The following OR6Y1 variants were observed in gnomAD, a reference collection of about 807,000 sequenced individuals.
OR6Y1 encodes olfactory receptor 6Y1.
A neutral mutation model predicts 0.4 loss-of-function variants in OR6Y1; 1 was observed. The observed-to-expected ratio is 2.74, with a 90% CI of 0.97 to 13.02. The LOEUF is 13.02. OR6Y1 is among the 30% of genes most tolerant of loss of function. The probability of loss-of-function intolerance (pLI) is 0.12; values close to 1 mark genes in which losing one functional copy is unlikely to be tolerated. For synonymous variants in OR6Y1, 173 were observed against 141.1 expected, an observed-to-expected ratio of 1.23 and a Z score of -1.60; for missense variants, 480 against 399.8, an observed-to-expected ratio of 1.20 and a Z score of -1.71.
rs1414017484 is a variant in OR6Y1, at chr1:158,545,068, G to A, written c.*2060C>T. ...TATATACCCAGTAATGGGATTGCTG[G>A]GTCAAATGGTATTTCTGTTTTTAAG... On this transcript the variant is annotated 3_prime_UTR_variant, in exon 2 of 2. Coordinates refer to ENST00000641622, the MANE Select transcript of OR6Y1 (RefSeq NM_001005189.2). 1 of 151,886 alleles carries A rather than the reference G, an allele frequency of 6.6e-6. No individual in the cohort carries two copies. The highest frequency in any genetic ancestry group is 1.9e-4 in the East Asian group (1 of 5,158). 9.4% of individuals were successfully genotyped at this position (151,886 alleles called of 1,614,324 possible).
In OR6Y1 at chr1:158,549,432, ATGGTT is replaced by A. The variant is rs112234620; in HGVS notation, c.-1332_-1328del. 2.3e-4 allele frequency: 34 copies of A among 147,630 alleles called. 1 individual carries two copies. Among genetic ancestry groups the A allele is most frequent in the African/African-American group, 7.6e-4 (30 of 39,658 alleles). 9.1% of individuals were successfully genotyped at this position (147,630 alleles called of 1,614,324 possible). A position where few individuals can be genotyped will look rare whatever the true frequency, so the allele number is the denominator to read the frequency against. ...CATAAATATGTAGGACAACTAGGGGATGGTTTTTTTTTTTTTTTAAGGAATGATCA... is the reference window on the plus strand; with the variant it reads ...CATAAATATGTAGGACAACTAGGGGATTTTTTTTTTTTTAAGGAATGATCA... On this transcript the variant is annotated 5_prime_UTR_variant, in exon 2 of 2. An upstream open reading frame in the 5' UTR loses its in-frame stop. Transcript: ENST00000641622.
chr1:158,547,375 G>A lies in OR6Y1; in HGVS notation c.731C>T (p.Ser244Phe). 1 of 1,613,636 alleles carries A rather than the reference G, an allele frequency of 6.2e-7. No homozygotes were observed. Among genetic ancestry groups the A allele is most frequent in the Non-Finnish European group, 8.5e-7 (1 of 1,180,008 alleles). The change falls in exon 2 of 2, where the codon TCC (serine) becomes TTC (phenylalanine). Residue 244 changes from serine (S) to phenylalanine (F), a missense_variant. Transcript: ENST00000641622. ...PSAQGRQKAF[S>F]TCASHLTVVI... is the part of the protein sequence containing the mutation. ...GACGGTCAGGTGGGAGGCACAGGTGGAGAATGCCTTTTGGCGGCCCTGAGC... is the reference window on the plus strand; with the variant it reads ...GACGGTCAGGTGGGAGGCACAGGTGAAGAATGCCTTTTGGCGGCCCTGAGC...
chr1:158,552,240 GTA>G (rs143313955), intron 1 of OR6Y1, among the ~76,000 whole-genome samples: 4,051 of 139,160 alleles, frequency 0.029, 211 homozygotes, highest in African/African-American at 0.1. Flanking sequence ...ATATATATAT[GTA>G]TATATATATA....
In OR6Y1 at chr1:158,547,044, G is replaced by A; in HGVS notation, c.*84C>T. The A allele has an allele frequency of 7.5e-7, 1 of 1,334,314 alleles. No homozygotes were observed. Among genetic ancestry groups the A allele is most frequent in the Non-Finnish European group, 1.0e-6 (1 of 968,168 alleles). 82.7% of individuals were successfully genotyped at this position (1,334,314 alleles called of 1,614,324 possible). ...GAGCAGTGTTACAGTACTGGAGATTGGGGGATAACCAAAGACAAGACTGAG... is the reference window on the plus strand; with the variant it reads ...GAGCAGTGTTACAGTACTGGAGATTAGGGGATAACCAAAGACAAGACTGAG... On this transcript the variant is annotated 3_prime_UTR_variant, in exon 2 of 2. Transcript: ENST00000641622.
chr1:158,547,700 G>A lies in OR6Y1; in HGVS notation c.406C>T (p.Arg136Cys), dbSNP rs764004377. ...TGGTTGGTCATGATGACTGGGTAGC[G>A]TAGTGGATTACAAATGGCTACATAG... ...DRYVAICNPL[R>C]YPVIMTNQLC... Residue 136 changes from arginine to cysteine, a missense_variant, in exon 2 of 2, where the codon CGC becomes TGC. Coordinates refer to ENST00000641622, the MANE Select transcript of OR6Y1 (RefSeq NM_001005189.2). The A allele has an allele frequency of 2.4e-5, 38 of 1,613,392 alleles. No homozygotes were observed. In the Admixed American group the frequency reaches 2.5e-4, roughly 11 times the overall value.
rs201834766 is a variant in OR6Y1, at chr1:158,547,348, A to G, written c.758T>C (p.Val253Ala). The G allele has an allele frequency of 6.2e-7, 1 of 1,613,558 alleles. No homozygotes were observed. Among genetic ancestry groups the G allele is most frequent in the East Asian group, 2.2e-5 (1 of 44,868 alleles). ...FSTCASHLTV[V>A]ILFYSMTLFT... ...AAGTGTCATGGAATAGAAGAGAATT[A>G]CGACGGTCAGGTGGGAGGCACAGGT... Residue 253 changes from valine to alanine, a missense_variant, in exon 2 of 2, where the codon GTA becomes GCA. Val to Ala is a moderately conservative substitution (Grantham distance 64). Transcript: ENST00000641622.
intron 1 of OR6Y1, among the ~76,000 whole-genome samples, chr1:158,551,188 G>A (rs1252799945): frequency 6.6e-6 from 1 of 151,282 alleles, no homozygotes; most frequent in African/African-American, 2.4e-5. Context: ...TCTATGCAAG[G>A]AATGAAAATT....
chr1:158,546,551 TG>T lies in OR6Y1; in HGVS notation c.*576del, dbSNP rs1647538916. ...TTTATGTTATTTGGAGGGAAGTGGG[TG>T]GGGACTCCCTATGTTGACCAGGCTG... On this transcript the variant is annotated 3_prime_UTR_variant, in exon 2 of 2. Coordinates refer to ENST00000641622, the MANE Select transcript of OR6Y1 (RefSeq NM_001005189.2). 6.6e-6 allele frequency: 1 copy of T among 152,126 alleles called. No homozygotes were observed. The highest frequency in any genetic ancestry group is 6.6e-5 in the Admixed American group (1 of 15,264). 9.4% of individuals were successfully genotyped at this position (152,126 alleles called of 1,614,324 possible).
At position 158,547,271 on chromosome 1, in the gene OR6Y1, C is replaced by T. The variant is rs1275113270; in HGVS notation, c.835G>A (p.Val279Ile). 6.2e-7 allele frequency: 1 copy of T among 1,613,550 alleles called. No individual in the cohort carries two copies. Among genetic ancestry groups the T allele is most frequent in the South Asian group, 1.1e-5 (1 of 91,074 alleles). ...ACAATGACAGTGTAGAGAACAGATA[C>T]CACTTTGTTGGAATTGTAGGCATAC... ...LMYAYNSNKV[V>I]SVLYTVIVPL... is the part of the protein sequence containing the mutation. Residue 279 changes from valine (V) to isoleucine (I), a missense_variant, in exon 2 of 2, where the codon GTA becomes ATA. Transcript: ENST00000641622.
rs917097878 is a variant in OR6Y1 at position 158,546,947 on chromosome 1, C to A, written c.*181G>T. 5.3e-5 allele frequency: 29 copies of A among 542,168 alleles called. No individual in the cohort carries two copies. The highest frequency in any genetic ancestry group is 8.4e-5 in the Non-Finnish European group (27 of 319,968). 33.6% of individuals were successfully genotyped at this position (542,168 alleles called of 1,614,324 possible). ...TCTCTCAGCCTGATACCAGAGGTTA[C>A]TTCTTGAGAACATGTTTCTCCAGTC... On this transcript the variant is annotated 3_prime_UTR_variant, in exon 2 of 2. Transcript: ENST00000641622.
chr1:158,547,909 A>G lies in OR6Y1; in HGVS notation c.197T>C (p.Phe66Ser). 4.3e-6 allele frequency: 7 copies of G among 1,613,470 alleles called. No individual in the cohort carries two copies. Among genetic ancestry groups the G allele is most frequent in the African/African-American group, 1.3e-5 (1 of 74,504 alleles). ...CAGGAAGGAGAGGTGGCTCAAGAAG[A>G]AGTACATGGGCTTATGCAGCTGCCC... ...SDGQLHKPMY[F>S]FLSHLSFLEM... Residue 66 changes from phenylalanine (F) to serine (S), a missense_variant, in exon 2 of 2, where the codon TTC (phenylalanine) becomes TCC (serine). By Grantham distance (155) the Phe-to-Ser change is radical (BLOSUM62 -2). Transcript: ENST00000641622.
rs143238001 is a variant in OR6Y1, at chr1:158,550,085, G to A, written c.-1432-548C>T. Among the ~76,000 whole-genome samples the A allele has an allele frequency of 3.2e-3, 482 of 151,722 alleles. 3 individuals carry two copies. Among genetic ancestry groups the A allele is most frequent in the Middle Eastern group, 0.01 (3 of 294 alleles). ...GTGTCTATTTTTTAAAAATATTCTGGAAAACTACAGGCAAGACATTATACC... is the reference window on the plus strand; with the variant it reads ...GTGTCTATTTTTTAAAAATATTCTGAAAAACTACAGGCAAGACATTATACC... On this transcript the variant is annotated intron_variant, in intron 1 of 1. Coordinates refer to ENST00000641622, the MANE Select transcript of OR6Y1 (RefSeq NM_001005189.2).
In OR6Y1 at chr1:158,545,145, TC is replaced by T. The variant is rs1249684610; in HGVS notation, c.*1982del. ...TTACATAGATTGAACTAATATACAC[TC>T]CCAACAACATTGAATACGTGTTCCT... On this transcript the variant is annotated 3_prime_UTR_variant, in exon 2 of 2. Coordinates refer to ENST00000641622, the MANE Select transcript of OR6Y1 (RefSeq NM_001005189.2). 3 of 152,002 alleles carry T rather than the reference TC, an allele frequency of 2.0e-5. No individual in the cohort carries two copies. The Middle Eastern group carries it at 9.5e-3, about 481-fold the overall frequency. The allele number at this position is 152,002 out of a possible 1,614,324, so 9.4% of individuals were successfully genotyped here.
chr1:158,554,149 A>G (rs1449114428), intron 1 of OR6Y1, 117 bp downstream of exon 1: 1 of 152,256 alleles, frequency 6.6e-6, no homozygotes, highest in Admixed American at 6.5e-5. Context: ...TGGATGAATC[A>G]GTAATTTACA....
Position 158,547,742 on chromosome 1 carries a change from T to C in OR6Y1, c.364A>G (p.Ile122Val). 1.9e-6 allele frequency: 3 copies of C among 1,613,514 alleles called. No individual in the cohort carries two copies. The highest frequency in any genetic ancestry group is 2.5e-6 in the Non-Finnish European group (3 of 1,180,008). ...FVCTEYILLA[I>V]MAFDRYVAIC... ...GCTACATAGCGGTCAAAGGCCATGATAGCAAGAAGGATGTACTCAGTGCAG... is the reference window on the plus strand; with the variant it reads ...GCTACATAGCGGTCAAAGGCCATGACAGCAAGAAGGATGTACTCAGTGCAG... The change falls in exon 2 of 2, where the codon ATC (isoleucine) becomes GTC (valine). Residue 122 changes from isoleucine to valine, a missense_variant. Transcript: ENST00000641622.
Position 158,544,563 on chromosome 1 carries a change from G to C in OR6Y1, c.*2565C>G, listed in dbSNP as rs958591715. ...AATTTAACTTTTATTTTAAGTTCAG[G>C]GGTACATGTGTAGGTTTATTATATA... On this transcript the variant is annotated 3_prime_UTR_variant, in exon 2 of 2. Coordinates refer to ENST00000641622, the MANE Select transcript of OR6Y1 (RefSeq NM_001005189.2). 2 of 151,942 alleles carry C rather than the reference G, an allele frequency of 1.3e-5. No individual in the cohort carries two copies. Among genetic ancestry groups the C allele is most frequent in the Non-Finnish European group, 2.9e-5 (2 of 67,986 alleles). The allele number at this position is 151,942 out of a possible 1,614,324, so 9.4% of individuals were successfully genotyped here.
At position 158,548,930 on chromosome 1, in the gene OR6Y1, A is replaced by G. The variant is rs1002260911; in HGVS notation, c.-825T>C. 6.6e-6 allele frequency: 1 copy of G among 151,636 alleles called. No homozygotes were observed. The highest frequency in any genetic ancestry group is 6.6e-5 in the Admixed American group (1 of 15,224). 9.4% of individuals were successfully genotyped at this position (151,636 alleles called of 1,614,324 possible). A position where few individuals can be genotyped will look rare whatever the true frequency, so the allele number is the denominator to read the frequency against. ...GATTTAGAGTTTAAATTCAGTTCCT[A>G]TGATATTTGCTGTGACCTTTCCAGG... On this transcript the variant is annotated 5_prime_UTR_variant, in exon 2 of 2. Transcript: ENST00000641622.
At chr1:158,553,948 T>A (rs1467420030) in intron 1 of OR6Y1, among the ~76,000 whole-genome samples, 2 of 152,196 alleles carry the variant, frequency 1.3e-5, no homozygotes, top group Non-Finnish European at 2.9e-5. Flanking sequence ...GAATCCATAT[T>A]ACACTACATT....
At position 158,547,753 on chromosome 1, in the gene OR6Y1, A is replaced by T. The variant is rs138738485; in HGVS notation, c.353T>A (p.Ile118Asn). The stretch of plus-strand genomic sequence containing the variant: ...GTCAAAGGCCATGATAGCAAGAAGG[A>T]TGTACTCAGTGCAGACAAAGGTCAC... ...FFVTFVCTEYILLAIMAFDRY... is the reference protein window; with the variant it reads ...FFVTFVCTEYNLLAIMAFDRY... Residue 118 changes from isoleucine (I) to asparagine (N), a missense_variant, in exon 2 of 2, where the codon ATC becomes AAC. Transcript: ENST00000641622. 5,584 of 1,613,574 alleles carry T rather than the reference A, an allele frequency of 3.5e-3. 17 individuals are homozygous for T. The highest frequency in any genetic ancestry group is 3.8e-3 in the Non-Finnish European group (4,434 of 1,180,006).
Sources: gnomAD v4.1 joint callset for allele counts (sites outside exome capture counted in the v4.1 genomes callset) on GRCh38, gnomAD v4.1.1 for gene constraint, MANE v1.5 for transcripts, NCBI Gene and HGNC (gene_info 2026-07-23, HGNC 2026-07-21) for gene names.